The following ATIC variants were observed in gnomAD, a reference collection of about 807,000 sequenced individuals.
ATIC encodes the protein bifunctional purine biosynthesis protein ATIC.
In ATIC, 64 loss-of-function variants were observed where a neutral mutation model predicts 72.5. That is an observed-to-expected ratio of 0.88 (90% CI 0.72 to 1.09). ATIC has a LOEUF of 1.09. Among genes scored for constraint, ATIC ranks in the 50% least tolerant of loss-of-function variants. The pLI is 0.00. For missense variants in ATIC, 787 were observed against 732.4 expected (o/e 1.07, Z -0.86); for synonymous variants, 281 against 267.1 (o/e 1.05, Z -0.51).
intron 7 of ATIC, among the ~76,000 whole-genome samples, chr2:215,330,004 C>T (rs2052873061): frequency 6.6e-6 from 1 of 152,186 alleles, no homozygotes; most frequent in Non-Finnish European, 1.5e-5. Flanking sequence ...TCAGGTGATC[C>T]ACCCACCTTG....
the ATIC span, among the ~76,000 whole-genome samples, chr2:215,364,175 A>G: frequency 1.3e-5 from 2 of 152,240 alleles, no homozygotes; most frequent in African/African-American, 4.8e-5. Flanking sequence ...CTATATCATT[A>G]AGAGCCAAGC....
rs1448503282 is a variant in ATIC at position 215,326,957 on chromosome 2, C to A, written c.667C>A (p.Gln223Lys). The A allele has an allele frequency of 1.2e-6, 2 of 1,614,056 alleles. No homozygotes were observed. The highest frequency in any genetic ancestry group is 1.1e-5 in the South Asian group (1 of 91,082). The change falls in exon 7 of 16, where the codon CAG becomes AAG. Residue 223 changes from glutamine to lysine, a missense_variant. Gln to Lys is a moderately conservative substitution (Grantham distance 53). Transcript: ENST00000236959. ...HQTPAQLYTL[Q>K]PKLPITVLNG... ...GACCCCTGCCCAGCTGTACACACTG[C>A]AGCCCAAGCTTCCCATCACAGGTAA...
chr2:215,331,963 G>A (rs73089310), intron 7 of ATIC, among the ~76,000 whole-genome samples: 5,266 of 152,168 alleles, frequency 0.035, 291 homozygotes, highest in African/African-American at 0.12. Context: ...CATCGATAGG[G>A]TTTATAACTT....
chr2:215,345,023 T>G, intron 13 of ATIC, 152 bp downstream of exon 13: 1 of 811,400 alleles, frequency 1.2e-6, no homozygotes, highest in Non-Finnish European at 2.0e-6. Flanking sequence ...AGTACCCTGG[T>G]GGGCTGTTAA....
Position 215,330,698 on chromosome 2 carries a change from T to C in ATIC, c.689-1684T>C, listed in dbSNP as rs1423582734. Among the ~76,000 whole-genome samples the C allele has an allele frequency of 3.3e-5, 5 of 151,456 alleles. 1 individual carries two copies. Among genetic ancestry groups the C allele is most frequent in the African/African-American group, 1.2e-4 (5 of 41,140 alleles). Reference sequence around the variant, plus strand: ...CCCCAACCCTTTGCAACCACTGTTATCTTTTTCTCTTTTCTTTTTTTTTTT... The same window carrying C: ...CCCCAACCCTTTGCAACCACTGTTACCTTTTTCTCTTTTCTTTTTTTTTTT... On this transcript the variant is annotated intron_variant, in intron 7 of 15. Transcript: ENST00000236959.
the ATIC span, among the ~76,000 whole-genome samples, chr2:215,358,577 T>C: frequency 1.3e-5 from 2 of 152,070 alleles, no homozygotes; most frequent in Non-Finnish European, 2.9e-5. Flanking sequence ...TACAATGGGG[T>C]TTCCCCAAGA....
chr2:215,313,011 C>T (rs925022287), intron 2 of ATIC, among the ~76,000 whole-genome samples: 1 of 150,978 alleles, frequency 6.6e-6, no homozygotes, highest in Non-Finnish European at 1.5e-5. Flanking sequence ...GCAGGAGAAT[C>T]GCTTGAACCT....
chr2:215,365,705 A>T, the ATIC span: 2 of 1,456,834 alleles, frequency 1.4e-6, no homozygotes, highest in Admixed American at 3.4e-5. Flanking sequence ...GTGAACTGGG[A>T]CGTGTCACAG....
At chr2:215,355,484 C>T in the ATIC span, among the ~76,000 whole-genome samples, 3 of 152,160 alleles carry the variant, frequency 2.0e-5, no homozygotes, top group Non-Finnish European at 4.4e-5. Context: ...TTCTTCCTCC[C>T]GTTGCCTTGC....
In ATIC at chr2:215,343,156, CT is replaced by C. The variant is rs533664290; in HGVS notation, c.1228-1608del. Reference sequence around the variant, plus strand: ...TCCTTACTAGCTTTTGGTATTGCTACTTTTTTTTTTTTTTTAAAGACATGGG... The same window carrying C: ...TCCTTACTAGCTTTTGGTATTGCTACTTTTTTTTTTTTTTAAAGACATGGG... On this transcript the variant is annotated intron_variant, in intron 12 of 15. Coordinates refer to ENST00000236959, the MANE Select transcript of ATIC (RefSeq NM_004044.7). Among the ~76,000 whole-genome samples, 1,182 of 140,564 alleles carry C rather than the reference CT, an allele frequency of 8.4e-3. 7 individuals carry two copies. Among genetic ancestry groups the C allele is most frequent in the African/African-American group, 0.02 (779 of 38,564 alleles). The allele number at this position is 140,564 out of a possible 152,430, so 92.2% of individuals were successfully genotyped here.
chr2:215,332,396 C>T lies in ATIC; in HGVS notation c.703C>T (p.Pro235Ser), dbSNP rs942593171. The T allele has an allele frequency of 1.2e-6, 2 of 1,613,756 alleles. No homozygotes were observed. Among genetic ancestry groups the T allele is most frequent in the Non-Finnish European group, 1.7e-6 (2 of 1,180,006 alleles). ...TTTACATTTAGTTCTAAATGGAGCC[C>T]CTGGATTTATAAACTTGTGCGATGC... ...KLPITVLNGA[P>S]GFINLCDALN... is the part of the protein sequence containing the mutation. The change falls in exon 8 of 16, where the codon CCT (proline) becomes TCT (serine). Residue 235 changes from proline to serine, a missense_variant. By Grantham distance (74) the Pro-to-Ser change is moderately conservative. Transcript: ENST00000236959.
chr2:215,332,360 G>A (rs2052904830), intron 7 of ATIC, 22 bp from the exon 8 acceptor site: 5 of 1,613,744 alleles, frequency 3.1e-6, no homozygotes, highest in Admixed American at 1.7e-5. Flanking sequence ...TTAGTAATGT[G>A]CATGTATATT....
the ATIC span, among the ~76,000 whole-genome samples, chr2:215,358,927 TGC>T: frequency 5.3e-5 from 8 of 152,240 alleles, no homozygotes; most frequent in Non-Finnish European, 8.8e-5. Flanking sequence ...CTGTCGCCCA[TGC>T]TGGAGTGCAA....
the ATIC span, among the ~76,000 whole-genome samples, chr2:215,356,942 A>G: frequency 2.0e-5 from 3 of 152,188 alleles, no homozygotes; most frequent in Non-Finnish European, 4.4e-5. Context: ...TCTCTCGAGT[A>G]TATATCTAGG....
chr2:215,347,626 G>A (rs2106044692), intron 14 of ATIC: 1 of 491,098 alleles, frequency 2.0e-6, no homozygotes, highest in Non-Finnish European at 4.0e-6. Flanking sequence ...TTCAGGAGCA[G>A]GAATCAACAT....
chr2:215,321,484 T>C (rs967303641), intron 4 of ATIC, among the ~76,000 whole-genome samples: 4 of 152,236 alleles, frequency 2.6e-5, no homozygotes, highest in African/African-American at 4.8e-5. Flanking sequence ...TTCGTTTCAT[T>C]GGGGTATATA....
At chr2:215,317,681 G>T (rs1380096226) in intron 2 of ATIC, among the ~76,000 whole-genome samples, 1 of 152,014 alleles carries the variant, frequency 6.6e-6, no homozygotes, top group East Asian at 1.9e-4. Flanking sequence ...TAGAGCTGGG[G>T]TTTCATCATG....
chr2:215,319,572 A>T, intron 3 of ATIC, 93 bp from the exon 4 acceptor site: 2 of 949,548 alleles, frequency 2.1e-6, no homozygotes, highest in Non-Finnish European at 3.4e-6. Context: ...AATCAATGGG[A>T]TTTAATTTGA....
chr2:215,368,049 A>G, the ATIC span: 1 of 1,613,472 alleles, frequency 6.2e-7, no homozygotes, highest in South Asian at 1.1e-5. Context: ...AGGAAGAAAA[A>G]GCAAAAAGAG....
Sources: allele counts gnomAD v4.1 joint callset (sites outside exome capture counted in the v4.1 genomes callset), GRCh38; gene constraint gnomAD v4.1.1; transcripts MANE v1.5; gene names NCBI Gene and HGNC (gene_info 2026-07-23, HGNC 2026-07-21).